ENPEP: variants seen among roughly 807,000 people sequenced by gnomAD.
ENPEP encodes glutamyl aminopeptidase.
Under a neutral mutation model 114.5 loss-of-function variants are expected in ENPEP, and 103 were observed. That is an observed-to-expected ratio of 0.90 (90% CI 0.77 to 1.06). The LOEUF (loss-of-function observed/expected upper bound fraction) is 1.06, where lower values mean the gene tolerates loss of function less well. Ranked by LOEUF, ENPEP falls within the 50% of genes least tolerant of loss-of-function variation. The pLI, the probability that ENPEP is intolerant of heterozygous loss-of-function variation, is 0.00. For synonymous variants in ENPEP, 420 were observed against 422.0 expected (o/e 1.00, Z 0.06); for missense variants, 1,196 against 1,161.3 (o/e 1.03, Z -0.43).
At chr4:110,505,279 A>G (rs948964002) in intron 3 of ENPEP, among the ~76,000 whole-genome samples, 3 of 152,134 alleles carry the variant, frequency 2.0e-5, no homozygotes, top group Non-Finnish European at 2.9e-5. Context: ...TTGCTTAACA[A>G]CTATTAGAGA....
intron 13 of ENPEP, among the ~76,000 whole-genome samples, chr4:110,543,905 A>G (rs555176574): frequency 8.0e-4 from 122 of 152,074 alleles, no homozygotes; most frequent in Middle Eastern, 3.4e-3. Flanking sequence ...TTGTTTATTA[A>G]TTGTGCATTT....
rs572653481 is a variant in ENPEP at position 110,522,376 on chromosome 4, T to A, written c.1727+2010T>A. 6.6e-5 allele frequency among the ~76,000 whole-genome samples: 10 copies of A among 152,116 alleles called. No homozygotes were observed. The South Asian group carries it at 2.1e-3, about 32-fold the overall frequency. ...TTTGTATTTTTTAGTAGAGATGGGG[T>A]TTCACCATGTTGGCCAGGATGGTCT... On this transcript the variant is annotated intron_variant, in intron 10 of 19. Transcript: ENST00000265162.
At chr4:110,502,942 A>G (rs1201230728) in intron 3 of ENPEP, among the ~76,000 whole-genome samples, 2 of 152,040 alleles carry the variant, frequency 1.3e-5, no homozygotes, top group East Asian at 1.9e-4. Flanking sequence ...TCTAGGGTGC[A>G]TGTACACAAC....
chr4:110,515,569 T>C (rs1725733670), intron 8 of ENPEP, 127 bp downstream of exon 8: 2 of 747,448 alleles, frequency 2.7e-6, no homozygotes, highest in African/African-American at 3.5e-5. Flanking sequence ...ATAGATAATA[T>C]AGCAAAAGAT....
intron 10 of ENPEP, among the ~76,000 whole-genome samples, chr4:110,525,404 C>G (rs953010556): frequency 6.6e-6 from 1 of 152,176 alleles, no homozygotes; most frequent in South Asian, 2.1e-4. Flanking sequence ...GACGTTGTTC[C>G]CATTTCACCC....
chr4:110,528,739 A>G (rs375249080), intron 10 of ENPEP, among the ~76,000 whole-genome samples: 2 of 152,206 alleles, frequency 1.3e-5, no homozygotes, highest in South Asian at 2.1e-4. Flanking sequence ...GAATGGGAGT[A>G]AGTGTGTCAG....
chr4:110,549,438 C>A lies in ENPEP; in HGVS notation c.2225+19C>A. On this transcript the variant is annotated intron_variant, in intron 15 of 19. Coordinates refer to ENST00000265162, the MANE Select transcript of ENPEP (RefSeq NM_001977.4). ...TCACAAAGTTATTCTCACTTTTTAA[C>A]AACTAAAATTCATTTAACATTTGTT... 6.2e-7 allele frequency: 1 copy of A among 1,612,662 alleles called. No individual in the cohort carries two copies. Among genetic ancestry groups the A allele is most frequent in the East Asian group, 2.2e-5 (1 of 44,846 alleles).
chr4:110,487,014 G>C (rs533408419), intron 1 of ENPEP, among the ~76,000 whole-genome samples: 46 of 152,250 alleles, frequency 3.0e-4, no homozygotes, highest in South Asian at 1.7e-3. Flanking sequence ...GCTGTTTTCT[G>C]TTCCTGGGTG....
At chr4:110,534,569 G>A (rs114693085) in intron 11 of ENPEP, among the ~76,000 whole-genome samples, 2,486 of 138,116 alleles carry the variant, frequency 0.018, 80 homozygotes, top group African/African-American at 0.064. Flanking sequence ...GTGCAGTGGA[G>A]CGATCTCAGC....
intron 1 of ENPEP, among the ~76,000 whole-genome samples, chr4:110,486,777 A>G (rs1459370922): frequency 6.6e-6 from 1 of 152,204 alleles, no homozygotes; most frequent in African/African-American, 2.4e-5. Flanking sequence ...CGCTGCCTAG[A>G]CAGAGCCGAT....
chr4:110,532,437 A>G (rs943231812), intron 11 of ENPEP, among the ~76,000 whole-genome samples: 1 of 152,140 alleles, frequency 6.6e-6, no homozygotes, highest in African/African-American at 2.4e-5. Flanking sequence ...ACTCTACTTC[A>G]TTCCTTTTTA....
chr4:110,532,367 T>C (rs1276445955), intron 11 of ENPEP, among the ~76,000 whole-genome samples: 1 of 152,196 alleles, frequency 6.6e-6, no homozygotes, highest in Non-Finnish European at 1.5e-5. Context: ...GTATATGCAG[T>C]ATTTTGTGAC....
rs1725383220 is a variant in ENPEP, at chr4:110,506,665, AG to A, written c.948del (p.Lys316AsnfsTer10). On this transcript the variant is annotated frameshift_variant, in exon 4 of 20. Transcript: ENST00000265162. LOFTEE classifies it high-confidence loss of function. ...ACAATTTATGTCCAGCCAGAGCAAA[AG>A]CACACAGCCGAATATGCTGCAAACA... ...PLTIYVQPEQ[K>X]HTAEYAANIT... The A allele has an allele frequency of 8.7e-6, 14 of 1,609,820 alleles. No homozygotes were observed. Among genetic ancestry groups the A allele is most frequent in the Non-Finnish European group, 1.2e-5 (14 of 1,178,164 alleles).
chr4:110,502,205 G>C (rs951896723), intron 3 of ENPEP, among the ~76,000 whole-genome samples: 1 of 152,104 alleles, frequency 6.6e-6, no homozygotes, highest in Non-Finnish European at 1.5e-5. Context: ...TGCATAGTTT[G>C]CAAATATTTT....
chr4:110,508,171 T>C (rs1357701788), intron 4 of ENPEP, among the ~76,000 whole-genome samples: 1 of 150,382 alleles, frequency 6.6e-6, no homozygotes, highest in East Asian at 2.0e-4. Flanking sequence ...CTCTCAGAAT[T>C]AATTATATCT....
intron 8 of ENPEP, 138 bp downstream of exon 8, chr4:110,515,580 A>G (rs1725733944): frequency 1.4e-6 from 1 of 715,728 alleles, no homozygotes; most frequent in Non-Finnish European, 2.4e-6. Flanking sequence ...AGCAAAAGAT[A>G]AAAACATGAT....
chr4:110,545,226 C>T (rs952248109), intron 13 of ENPEP, among the ~76,000 whole-genome samples: 3 of 152,028 alleles, frequency 2.0e-5, no homozygotes, highest in African/African-American at 7.2e-5. Context: ...ATTTAATAAT[C>T]AGAACTAAAT....
intron 11 of ENPEP, among the ~76,000 whole-genome samples, chr4:110,539,696 C>A (rs1448823648): frequency 6.6e-6 from 1 of 152,064 alleles, no homozygotes; most frequent in East Asian, 1.9e-4. Context: ...GGCCTCAGCT[C>A]TTTTACTATC....
At chr4:110,558,032 ATTT>A (rs201439917) in intron 18 of ENPEP, among the ~76,000 whole-genome samples, 7 of 103,204 alleles carry the variant, frequency 6.8e-5, no homozygotes, top group Admixed American at 1.2e-4. Context: ...ATATGGTAGG[ATTT>A]TTTTTTTTTT....
Sources: allele counts gnomAD v4.1 joint callset (sites outside exome capture counted in the v4.1 genomes callset), GRCh38; gene constraint gnomAD v4.1.1; transcripts MANE v1.5; gene names NCBI Gene and HGNC (gene_info 2026-07-23, HGNC 2026-07-21).